Variants in EHMT1 observed in about 807,000 individuals in gnomAD.
EHMT1 encodes euchromatic histone lysine methyltransferase 1, also known as histone-lysine N-methyltransferase EHMT1.
In EHMT1, 15 loss-of-function variants were observed where a neutral mutation model predicts 147.2. The ratio of observed to expected loss-of-function variants is 0.10; its 90% CI spans 0.07 to 0.16. The LOEUF (loss-of-function observed/expected upper bound fraction) is 0.16, where lower values mean the gene tolerates loss of function less well. Ranked by LOEUF, EHMT1 falls within the 10% of genes least tolerant of loss-of-function variation. The probability of loss-of-function intolerance (pLI) is 1.00; values close to 1 mark genes in which losing one functional copy is unlikely to be tolerated. For missense variants in EHMT1, 1,587 were observed against 1,772.4 expected (o/e 0.90, Z 1.88); for synonymous variants, 795 against 709.6 (o/e 1.12, Z -1.91).
At chr9:137,832,886 GT>G (rs1301792419) in intron 25 of EHMT1, 2 of 152,252 alleles carry the variant, frequency 1.3e-5, no homozygotes, top group African/African-American at 4.8e-5. Context: ...ACGAGGAGGG[GT>G]CGCCTATAGA....
intron 4 of EHMT1, among the ~76,000 whole-genome samples, chr9:137,733,937 G>A (rs995942604): frequency 1.3e-5 from 2 of 152,136 alleles, no homozygotes; most frequent in African/African-American, 2.4e-5. Flanking sequence ...CACAGAGACA[G>A]CCTACAACTA....
intron 16 of EHMT1, among the ~76,000 whole-genome samples, chr9:137,793,913 C>T (rs1264314703): frequency 6.6e-6 from 1 of 152,014 alleles, no homozygotes; most frequent in East Asian, 1.9e-4. Context: ...GATTGTAGAG[C>T]TTTGTTTTGG....
chr9:137,715,880 T>G (rs1564625803), intron 2 of EHMT1: 1 of 973,430 alleles, frequency 1.0e-6, no homozygotes, highest in Non-Finnish European at 1.2e-6. Flanking sequence ...TTCCCCAAAC[T>G]TAACCAACTA....
intron 1 of EHMT1, among the ~76,000 whole-genome samples, chr9:137,624,422 TCTC>T (rs1332221538): frequency 6.6e-6 from 1 of 151,630 alleles, no homozygotes; most frequent in Non-Finnish European, 1.5e-5. Flanking sequence ...TTCAGGCAAT[TCTC>T]CTGCCTCAGC....
intron 1 of EHMT1, chr9:137,638,253 G>C (rs1844225955): frequency 1.3e-5 from 2 of 152,044 alleles, no homozygotes; most frequent in African/African-American, 2.4e-5. Flanking sequence ...TGGGAATATA[G>C]GCGTGCGCCA....
intron 4 of EHMT1, among the ~76,000 whole-genome samples, chr9:137,739,093 CG>C (rs1328788287): frequency 6.6e-6 from 1 of 151,356 alleles, no homozygotes; most frequent in Non-Finnish European, 1.5e-5. Flanking sequence ...AAAAACAGGC[CG>C]GGCGCGGTGG....
intron 2 of EHMT1, chr9:137,715,728 AG>A: frequency 1.0e-6 from 1 of 985,362 alleles, no homozygotes; most frequent in African/African-American, 1.7e-5. Context: ...GAGCCTCTGT[AG>A]GGAGTGGAGA....
intron 10 of EHMT1, among the ~76,000 whole-genome samples, chr9:137,769,878 C>T (rs896368588): frequency 6.6e-6 from 1 of 151,978 alleles, no homozygotes; most frequent in African/African-American, 2.4e-5. Flanking sequence ...ACTTTGTCAC[C>T]CAGGCTGGAG....
intron 25 of EHMT1, among the ~76,000 whole-genome samples, chr9:137,832,133 C>T (rs1255793472): frequency 6.6e-6 from 1 of 150,974 alleles, no homozygotes; most frequent in Non-Finnish European, 1.5e-5. Flanking sequence ...TCCGCAGAAC[C>T]CCCCAACCCC....
At chr9:137,728,299 G>A (rs2135781716) in intron 3 of EHMT1, 50 bp from the exon 4 acceptor site, 2 of 1,612,852 alleles carry the variant, frequency 1.2e-6, no homozygotes, top group Non-Finnish European at 1.7e-6. Flanking sequence ...TGTTATTTCA[G>A]TGACCACCTG....
intron 6 of EHMT1, chr9:137,746,840 C>T (rs893152109): frequency 6.6e-6 from 1 of 152,186 alleles, no homozygotes; most frequent in Non-Finnish European, 1.5e-5. Flanking sequence ...TTCTCTCTTT[C>T]GATTGAGGTT....
chr9:137,774,345 C>T (rs1228246050), intron 10 of EHMT1, among the ~76,000 whole-genome samples: 4 of 150,636 alleles, frequency 2.7e-5, no homozygotes, highest in Non-Finnish European at 5.9e-5. Flanking sequence ...TCGCGTCTGG[C>T]CCCCTGGATC....
rs773899265 is a variant in EHMT1, at chr9:137,710,960, C to T, written c.22-7C>T. On this transcript the variant is annotated splice_region_variant and splice_polypyrimidine_tract_variant and intron_variant, in intron 1 of 26. Coordinates refer to ENST00000460843, the MANE Select transcript of EHMT1 (RefSeq NM_024757.5). ...CCCGGCTGACGGCTGTTGTTTCTCT[C>T]TAACAGGCAGTTCCGGCGAGGGGGG... The T allele has an allele frequency of 2.5e-6, 4 of 1,594,734 alleles. No homozygotes were observed. The highest frequency in any genetic ancestry group is 3.4e-6 in the Non-Finnish European group (4 of 1,171,278).
chr9:137,659,443 C>G (rs755934021), intron 1 of EHMT1, among the ~76,000 whole-genome samples: 2 of 151,840 alleles, frequency 1.3e-5, no homozygotes, highest in African/African-American at 4.8e-5. Context: ...CAGGGTCTTG[C>G]TATGTTCCCC....
At position 137,717,134 on chromosome 9, in the gene EHMT1, C is replaced by G. The variant is rs142027334; in HGVS notation, c.594C>G (p.Val198=). The G allele has an allele frequency of 7.4e-6, 12 of 1,612,438 alleles. No homozygotes were observed. The highest frequency in any genetic ancestry group is 1.1e-5 in the South Asian group (1 of 91,090). Residue 198 remains valine, a synonymous_variant, in exon 3 of 27, where the codon GTC becomes GTG. Coordinates refer to ENST00000460843, the MANE Select transcript of EHMT1 (RefSeq NM_024757.5). ...DRKLPAPGAD[V]KVHRARKTMP... is the part of the protein sequence containing the mutation. ...AGCTCCCGGCCCCTGGCGCCGACGTCAAGGTCCACAGGGCACGCAAGACCA... is the reference window on the plus strand; with the variant it reads ...AGCTCCCGGCCCCTGGCGCCGACGTGAAGGTCCACAGGGCACGCAAGACCA...
In EHMT1 at chr9:137,811,457, TC is replaced by T; in HGVS notation, c.2713-3del. 2 of 1,612,374 alleles carry T rather than the reference TC, an allele frequency of 1.2e-6. No individual in the cohort carries two copies. The highest frequency in any genetic ancestry group is 2.7e-5 in the African/African-American group (2 of 75,040). ...GCACTGAGCTCTGGCTTGTGTCTGT[TC>T]AGGAGGAGAACATTTGCCTGCACTG... On this transcript the variant is annotated splice_polypyrimidine_tract_variant and splice_region_variant and intron_variant, in intron 18 of 26. Transcript: ENST00000460843.
intron 1 of EHMT1, among the ~76,000 whole-genome samples, chr9:137,628,060 C>T (rs1308966440): frequency 6.6e-6 from 1 of 152,144 alleles, no homozygotes; most frequent in Non-Finnish European, 1.5e-5. Flanking sequence ...CTTGTGGCTA[C>T]AGAAGACCAG....
chr9:137,773,766 A>C (rs1329074823), intron 10 of EHMT1, among the ~76,000 whole-genome samples: 1 of 152,138 alleles, frequency 6.6e-6, no homozygotes, highest in African/African-American at 2.4e-5. Flanking sequence ...CCGAATACGA[A>C]GAATGTCAGA....
chr9:137,812,536 T>A (rs1268931233), intron 19 of EHMT1, among the ~76,000 whole-genome samples: 1 of 152,206 alleles, frequency 6.6e-6, no homozygotes, highest in Non-Finnish European at 1.5e-5. Context: ...CACATGTGGA[T>A]CTCACGGTGG....
Sources: allele counts gnomAD v4.1 joint callset (sites outside exome capture counted in the v4.1 genomes callset), GRCh38; gene constraint gnomAD v4.1.1; transcripts MANE v1.5; gene names NCBI Gene and HGNC (gene_info 2026-07-23, HGNC 2026-07-21).